The following KDM2A variants were observed in gnomAD, a reference collection of about 807,000 sequenced individuals.
KDM2A encodes the protein lysine-specific demethylase 2A.
In KDM2A, 3 loss-of-function variants were observed where a neutral mutation model predicts 137.3. That is an observed-to-expected ratio of 0.02 (90% CI 0.01 to 0.06). KDM2A has a LOEUF of 0.06. KDM2A is among the 10% of genes least tolerant of loss of function. KDM2A has a pLI of 1.00. For synonymous variants in KDM2A, 512 were observed against 541.5 expected (o/e 0.95, Z 0.76); for missense variants, 738 against 1,510.6 (o/e 0.49, Z 8.48).
intron 5 of KDM2A, among the ~76,000 whole-genome samples, chr11:67,202,581 GCTA>G (rs370925682): frequency 3.2e-4 from 49 of 151,918 alleles, no homozygotes; most frequent in African/African-American, 1.1e-3. Flanking sequence ...GACCATCCTG[GCTA>G]ACATGGTGAA....
At chr11:67,134,573 C>T (rs1450953804) in intron 2 of KDM2A, among the ~76,000 whole-genome samples, 4 of 152,022 alleles carry the variant, frequency 2.6e-5, no homozygotes, top group Admixed American at 6.6e-5. Context: ...GGTGCGATCT[C>T]GGCTCACTTA....
At chr11:67,205,947 C>T (rs1160678314) in intron 5 of KDM2A, among the ~76,000 whole-genome samples, 1 of 152,116 alleles carries the variant, frequency 6.6e-6, no homozygotes, top group Non-Finnish European at 1.5e-5. Context: ...CTTTTCTGAT[C>T]AGTCTAATAA....
chr11:67,241,898 G>A (rs1018910901), intron 12 of KDM2A, among the ~76,000 whole-genome samples: 5 of 152,002 alleles, frequency 3.3e-5, no homozygotes, highest in Admixed American at 6.6e-5. Flanking sequence ...GTGAAACTCC[G>A]TCTCTACTAA....
At chr11:67,219,228 TGA>T in intron 9 of KDM2A, 58 bp from the exon 10 acceptor site, 1 of 774,048 alleles carries the variant, frequency 1.3e-6, no homozygotes, top group Non-Finnish European at 2.0e-6. Context: ...ACTAGTTCTC[TGA>T]GAGAGACTTA....
intron 2 of KDM2A, among the ~76,000 whole-genome samples, chr11:67,170,036 G>A (rs1449348690): frequency 2.0e-5 from 3 of 152,170 alleles, no homozygotes; most frequent in East Asian, 1.9e-4. Context: ...GATTACTGGC[G>A]TGAGTCACCA....
In KDM2A at chr11:67,250,591, G is replaced by A. The variant is rs1859387212; in HGVS notation, c.2561G>A (p.Gly854Glu). Residue 854 changes from glycine (G) to glutamate (E), a missense_variant, in exon 17 of 21, where the codon GGG (glycine) becomes GAG (glutamate). Gly to Glu is a moderately conservative substitution (Grantham distance 98). This residue lies in a region of KDM2A where 244 missense variants were observed against 324.6 expected (regional missense o/e 0.75). Coordinates refer to ENST00000529006, the MANE Select transcript of KDM2A (RefSeq NM_012308.3). This position sits in a 1 kb window ranked among gnomAD's most constrained non-coding sequence, Gnocchi z 7.1. Reference protein sequence around the residue: ...TPQRGDEEGLGGEEEEEEEEE... With the variant: ...TPQRGDEEGLEGEEEEEEEEE... ...CAGCGTGGGGATGAGGAGGGGCTGGGGGGAGAGGAGGAGGAAGAGGAGGAG... is the reference window on the plus strand; with the variant it reads ...CAGCGTGGGGATGAGGAGGGGCTGGAGGGAGAGGAGGAGGAAGAGGAGGAG... 6.2e-7 allele frequency: 1 copy of A among 1,613,094 alleles called. No individual in the cohort carries two copies. Among genetic ancestry groups the A allele is most frequent in the East Asian group, 2.2e-5 (1 of 44,848 alleles).
intron 5 of KDM2A, among the ~76,000 whole-genome samples, chr11:67,182,530 C>CTTT (rs11297347): frequency 1.1e-5 from 1 of 88,246 alleles, no homozygotes; most frequent in Non-Finnish European, 2.4e-5. Flanking sequence ...TTGAATAAGT[C>CTTT]TTTTTTTTTT....
At chr11:67,230,646 T>TA (rs577660484) in intron 11 of KDM2A, among the ~76,000 whole-genome samples, 206 of 136,392 alleles carry the variant, frequency 1.5e-3, no homozygotes, top group Admixed American at 2.0e-3. Flanking sequence ...AACCACAACA[T>TA]AAAAAAAAAA....
At position 67,148,604 on chromosome 11, in the gene KDM2A, C is replaced by T. The variant is rs577649254; in HGVS notation, c.42+27246C>T. On this transcript the variant is annotated intron_variant, in intron 2 of 20. Coordinates refer to ENST00000529006, the MANE Select transcript of KDM2A (RefSeq NM_012308.3). ...TCACCTGAGGTCAGGAGTTTGAGACCAGCCTGGCTAACATGGTGAAACACA... is the reference window on the plus strand; with the variant it reads ...TCACCTGAGGTCAGGAGTTTGAGACTAGCCTGGCTAACATGGTGAAACACA... Among the ~76,000 whole-genome samples the T allele has an allele frequency of 4.6e-5, 7 of 151,934 alleles. No homozygotes were observed. In the South Asian group the frequency reaches 1.5e-3, roughly 32 times the overall value.
At chr11:67,183,489 T>C (rs2136338748) in intron 5 of KDM2A, among the ~76,000 whole-genome samples, 1 of 152,370 alleles carries the variant, frequency 6.6e-6, no homozygotes, top group East Asian at 1.9e-4. Context: ...CTTTTCTCCT[T>C]ACCTAGACAA....
chr11:67,193,417 T>C (rs1276055140), intron 5 of KDM2A, among the ~76,000 whole-genome samples: 1 of 152,248 alleles, frequency 6.6e-6, no homozygotes, highest in East Asian at 1.9e-4. Flanking sequence ...TATTTAAATT[T>C]TTTAAACTTT....
chr11:67,149,052 C>G lies in KDM2A; in HGVS notation c.42+27694C>G, dbSNP rs142042707. The G allele has an allele frequency of 3.9e-5, 6 of 152,216 alleles. No individual in the cohort carries two copies. In the East Asian group the frequency reaches 1.2e-3, roughly 29 times the overall value. 9.4% of individuals were successfully genotyped at this position (152,216 alleles called of 1,614,324 possible). ...AAAACGTTCATTTTTGCTTCCTTTACAGATGGTGGCAGATGAAAAAGCAGA... is the reference window on the plus strand; with the variant it reads ...AAAACGTTCATTTTTGCTTCCTTTAGAGATGGTGGCAGATGAAAAAGCAGA... On this transcript the variant is annotated intron_variant, in intron 2 of 20. Transcript: ENST00000529006.
At chr11:67,240,316 C>T (rs910552137) in intron 12 of KDM2A, 71 of 1,535,504 alleles carry the variant, frequency 4.6e-5, no homozygotes, top group Non-Finnish European at 6.1e-5. Context: ...AACAAAGACG[C>T]TGGGGAAACT....
intron 2 of KDM2A, among the ~76,000 whole-genome samples, chr11:67,130,111 C>T (rs1357254835): frequency 6.8e-6 from 1 of 147,098 alleles, no homozygotes; most frequent in African/African-American, 2.6e-5. Flanking sequence ...TACAGGCGTC[C>T]GCCACCCCAC....
chr11:67,154,774 T>C (rs1216077045), intron 2 of KDM2A, among the ~76,000 whole-genome samples: 3 of 152,218 alleles, frequency 2.0e-5, no homozygotes, highest in Non-Finnish European at 4.4e-5. Flanking sequence ...TACAATATAC[T>C]GTATGACCTT....
chr11:67,256,694 C>A lies in KDM2A; in HGVS notation c.*1639C>A, dbSNP rs1360251592. ...AAGAGAGACGCCAACTGCACCCTTG[C>A]CACTTCCAAAGCAATAGAGGCAGAG... is the stretch of plus-strand genomic sequence containing the variant. On this transcript the variant is annotated 3_prime_UTR_variant, in exon 21 of 21. Coordinates refer to ENST00000529006, the MANE Select transcript of KDM2A (RefSeq NM_012308.3). 4 of 152,684 alleles carry A rather than the reference C, an allele frequency of 2.6e-5. No homozygotes were observed. Among genetic ancestry groups the A allele is most frequent in the Non-Finnish European group, 5.9e-5 (4 of 68,082 alleles). The allele number at this position is 152,684 out of a possible 1,614,324, so 9.5% of individuals were successfully genotyped here. A position where few individuals can be genotyped will look rare whatever the true frequency, so the allele number is the denominator to read the frequency against.
chr11:67,175,372 G>C (rs754925766), intron 2 of KDM2A, among the ~76,000 whole-genome samples: 3 of 152,130 alleles, frequency 2.0e-5, no homozygotes, highest in Non-Finnish European at 4.4e-5. Flanking sequence ...AAGGGTCAAG[G>C]CTACAGTGAG....
At chr11:67,203,566 C>A (rs1159087941) in intron 5 of KDM2A, among the ~76,000 whole-genome samples, 1 of 148,904 alleles carries the variant, frequency 6.7e-6, no homozygotes, top group African/African-American at 2.5e-5. Context: ...CCAGCCTGGG[C>A]AACATAGTGA....
intron 5 of KDM2A, among the ~76,000 whole-genome samples, chr11:67,191,046 C>CT (rs1380156202): frequency 5.3e-5 from 8 of 151,836 alleles, no homozygotes; most frequent in East Asian, 1.9e-4. Context: ...GGGAACACTT[C>CT]TTTTTTTTCT....
Sources: allele counts gnomAD v4.1 joint callset (sites outside exome capture counted in the v4.1 genomes callset), GRCh38; gene constraint gnomAD v4.1.1; regional missense constraint gnomAD v4.1.1; non-coding constraint Gnocchi (gnomAD v3.1); transcripts MANE v1.5; gene names NCBI Gene and HGNC (gene_info 2026-07-23, HGNC 2026-07-21).